CEMIP: variants seen among roughly 807,000 people sequenced by gnomAD.
The protein encoded by CEMIP is cell migration inducing hyaluronidase 1, also known as cell migration-inducing and hyaluronan-binding protein.
A neutral mutation model predicts 156.9 loss-of-function variants in CEMIP; 105 were observed. The ratio of observed to expected loss-of-function variants is 0.67; its 90% CI spans 0.57 to 0.79. CEMIP has a LOEUF of 0.79. Among genes scored for constraint, CEMIP ranks in the 30% least tolerant of loss-of-function variants. The probability of loss-of-function intolerance (pLI) is 0.00; values close to 1 mark genes in which losing one functional copy is unlikely to be tolerated. For missense variants in CEMIP, 1,457 were observed against 1,769.4 expected (o/e 0.82, Z 3.17); for synonymous variants, 676 against 668.4 (o/e 1.01, Z -0.17).
chr15:80,823,485 A>G (rs544135372), intron 1 of CEMIP, among the ~76,000 whole-genome samples: 16 of 152,294 alleles, frequency 1.1e-4, no homozygotes, highest in Non-Finnish European at 2.1e-4. Flanking sequence ...GTGGCTCTGC[A>G]GGGACTTTTC....
chr15:80,937,144 C>A (rs1003863447), intron 24 of CEMIP, among the ~76,000 whole-genome samples: 1 of 152,212 alleles, frequency 6.6e-6, no homozygotes, highest in East Asian at 1.9e-4. Context: ...GATAGTATTA[C>A]CTTGCAGGAG....
intron 14 of CEMIP, 28 bp downstream of exon 14, chr15:80,909,334 C>G (rs1899951200): frequency 1.0e-5 from 16 of 1,606,764 alleles, no homozygotes; most frequent in Non-Finnish European, 1.4e-5. Context: ...TCAGGGAACT[C>G]TGGGGATGGG....
intron 1 of CEMIP, among the ~76,000 whole-genome samples, chr15:80,782,960 A>AG (rs1895835506): frequency 6.6e-6 from 1 of 152,182 alleles, no homozygotes; most frequent in African/African-American, 2.4e-5. Flanking sequence ...AAGGCCAATG[A>AG]GGGGAGGAAC....
At chr15:80,845,850 A>G (rs1897540789) in intron 1 of CEMIP, among the ~76,000 whole-genome samples, 1 of 152,194 alleles carries the variant, frequency 6.6e-6, no homozygotes, top group African/African-American at 2.4e-5. Flanking sequence ...AGTGTCACGA[A>G]AAGACACACA....
At chr15:80,854,199 A>G (rs1190611451) in intron 1 of CEMIP, among the ~76,000 whole-genome samples, 3 of 152,388 alleles carry the variant, frequency 2.0e-5, no homozygotes, top group East Asian at 1.9e-4. Context: ...ACTTTTTCCA[A>G]CTGAAGCCTC....
intron 12 of CEMIP, among the ~76,000 whole-genome samples, chr15:80,902,765 C>G (rs1899623309): frequency 6.6e-6 from 1 of 152,160 alleles, no homozygotes; most frequent in African/African-American, 2.4e-5. Context: ...GCCAAATTTG[C>G]TATCTACCAA....
chr15:80,880,894 T>C lies in CEMIP; in HGVS notation c.381-6T>C. The C allele has an allele frequency of 6.2e-7, 1 of 1,613,020 alleles. No individual in the cohort carries two copies. Among genetic ancestry groups the C allele is most frequent in the Middle Eastern group, 1.7e-4 (1 of 5,910 alleles). Reference sequence around the variant, plus strand: ...GCCAACTCTGGGGAGCTGTTTTCTCTTGCAGGGCTGATGAAGGTATTCAGC... The same window carrying C: ...GCCAACTCTGGGGAGCTGTTTTCTCCTGCAGGGCTGATGAAGGTATTCAGC... On this transcript the variant is annotated splice_polypyrimidine_tract_variant and splice_region_variant and intron_variant, in intron 5 of 29. Transcript: ENST00000394685.
intron 1 of CEMIP, among the ~76,000 whole-genome samples, chr15:80,789,361 C>A (rs1001795289): frequency 6.6e-6 from 1 of 152,154 alleles, no homozygotes; most frequent in African/African-American, 2.4e-5. Context: ...ACTTCCCTTC[C>A]TTTTCGGAGA....
intron 14 of CEMIP, among the ~76,000 whole-genome samples, chr15:80,918,410 T>C (rs1900353835): frequency 6.6e-6 from 1 of 152,220 alleles, no homozygotes; most frequent in African/African-American, 2.4e-5. Flanking sequence ...TCTGGAGACA[T>C]TTTTGGTTGT....
intron 28 of CEMIP, among the ~76,000 whole-genome samples, chr15:80,944,927 T>C (rs1901483800): frequency 6.6e-6 from 1 of 152,140 alleles, no homozygotes; most frequent in Admixed American, 6.5e-5. Flanking sequence ...GGCCACTCCC[T>C]GGGCTGGCGC....
chr15:80,945,426 T>G (rs187953073), intron 28 of CEMIP, among the ~76,000 whole-genome samples: 107 of 152,348 alleles, frequency 7.0e-4, no homozygotes, highest in Non-Finnish European at 1.1e-3. Context: ...TTAGCTTTTG[T>G]TCTGAAATGA....
intron 1 of CEMIP, among the ~76,000 whole-genome samples, chr15:80,869,121 G>A (rs924348495): frequency 4.6e-5 from 7 of 152,124 alleles, no homozygotes; most frequent in Admixed American, 2.0e-4. Flanking sequence ...TCTTCTCCCT[G>A]TCTCTTCACA....
rs1035631873 is a variant in CEMIP at position 80,932,459 on chromosome 15, C to T, written c.2793+420C>T. Among the ~76,000 whole-genome samples, 2 of 152,150 alleles carry T rather than the reference C, an allele frequency of 1.3e-5. No homozygotes were observed. The highest frequency in any genetic ancestry group is 2.9e-5 in the Non-Finnish European group (2 of 68,032). ...GATGATGTTCTGTTTAATCTCTCCC[C>T]GAGAGCAGACTATAAACAGAGGCCT... On this transcript the variant is annotated intron_variant, in intron 22 of 29. Transcript: ENST00000394685. The surrounding 1 kb of genome is among the most constrained non-coding windows in gnomAD (Gnocchi z 4.5).
At chr15:80,820,899 TTA>T (rs1223308632) in intron 1 of CEMIP, among the ~76,000 whole-genome samples, 1 of 152,234 alleles carries the variant, frequency 6.6e-6, no homozygotes, top group Non-Finnish European at 1.5e-5. Flanking sequence ...TATTACTGTT[TTA>T]TGTTATTATT....
At chr15:80,798,235 T>A (rs1896282560) in intron 1 of CEMIP, among the ~76,000 whole-genome samples, 1 of 152,196 alleles carries the variant, frequency 6.6e-6, no homozygotes, top group South Asian at 2.1e-4. Context: ...TACTGTATAT[T>A]TTTTACATAA....
intron 1 of CEMIP, among the ~76,000 whole-genome samples, chr15:80,856,103 G>T (rs945916094): frequency 6.6e-6 from 1 of 152,228 alleles, no homozygotes; most frequent in African/African-American, 2.4e-5. Flanking sequence ...TCACTTAGAA[G>T]AGTGGTTGCC....
intron 1 of CEMIP, among the ~76,000 whole-genome samples, chr15:80,808,608 C>G (rs948625502): frequency 6.6e-6 from 1 of 150,488 alleles, no homozygotes; most frequent in Non-Finnish European, 1.5e-5. Context: ...TGTTATGGAA[C>G]AGAAAAGAAG....
intron 1 of CEMIP, among the ~76,000 whole-genome samples, chr15:80,797,530 G>A (rs1043888481): frequency 1.3e-5 from 2 of 152,166 alleles, no homozygotes; most frequent in East Asian, 1.9e-4. Flanking sequence ...TGGGCACAAG[G>A]GAGGCTAATG....
chr15:80,928,878 C>G (rs1186856657), intron 19 of CEMIP, 24 bp from the exon 20 acceptor site: 3 of 1,613,268 alleles, frequency 1.9e-6, no homozygotes, highest in Non-Finnish European at 2.5e-6. Context: ...CATGCTCTGA[C>G]TATCTATCTG....
Sources: allele counts gnomAD v4.1 joint callset (sites outside exome capture counted in the v4.1 genomes callset), GRCh38; gene constraint gnomAD v4.1.1; non-coding constraint Gnocchi (gnomAD v3.1); transcripts MANE v1.5; gene names NCBI Gene and HGNC (gene_info 2026-07-23, HGNC 2026-07-21).